Variants in SUPT3H observed in about 807,000 individuals in gnomAD.
The protein encoded by SUPT3H is transcription initiation protein SPT3 homolog.
In SUPT3H, 44 loss-of-function variants were observed where a neutral mutation model predicts 44.3. The ratio of observed to expected loss-of-function variants is 0.99; its 90% CI spans 0.78 to 1.28. The LOEUF is 1.28. Ranked by LOEUF, SUPT3H falls within the 50% of genes most tolerant of loss-of-function variation. The pLI, the probability that SUPT3H is intolerant of heterozygous loss-of-function variation, is 0.00. For synonymous variants in SUPT3H, 124 were observed against 125.6 expected, an observed-to-expected ratio of 0.99 and a Z score of 0.09; for missense variants, 380 against 387.1, an observed-to-expected ratio of 0.98 and a Z score of 0.15.
intron 9 of SUPT3H, among the ~76,000 whole-genome samples, chr6:44,950,800 T>C (rs1180512480): frequency 2.1e-5 from 3 of 141,542 alleles, no homozygotes; most frequent in Non-Finnish European, 4.5e-5. Context: ...ATTTGGATCT[T>C]TTTTTTTTTT....
At chr6:45,062,250 A>G (rs1215987601) in intron 3 of SUPT3H, among the ~76,000 whole-genome samples, 1 of 152,186 alleles carries the variant, frequency 6.6e-6, no homozygotes, top group African/African-American at 2.4e-5. Flanking sequence ...TTTACAAAGT[A>G]ACACAAATAA....
At chr6:45,296,642 G>A (rs1273507311) in intron 2 of SUPT3H, among the ~76,000 whole-genome samples, 1 of 149,460 alleles carries the variant, frequency 6.7e-6, no homozygotes, top group Non-Finnish European at 1.5e-5. Context: ...GGGAGGCTGA[G>A]GCAGGAGAAG....
chr6:45,287,998 T>C (rs1006726452), intron 2 of SUPT3H, among the ~76,000 whole-genome samples: 1 of 152,196 alleles, frequency 6.6e-6, no homozygotes, highest in African/African-American at 2.4e-5. Flanking sequence ...TATTTGCCTT[T>C]AAAGTTTCCA....
intron 10 of SUPT3H, among the ~76,000 whole-genome samples, chr6:44,848,817 C>T (rs955120852): frequency 3.3e-5 from 5 of 152,124 alleles, no homozygotes; most frequent in East Asian, 1.9e-4. Context: ...TTCTAAATTT[C>T]GTGGTTCAAT....
intron 10 of SUPT3H, among the ~76,000 whole-genome samples, chr6:44,892,233 T>C (rs1002525767): frequency 1.3e-5 from 2 of 152,098 alleles, no homozygotes; most frequent in African/African-American, 2.4e-5. Flanking sequence ...GAGATAGTTA[T>C]AGTTAAATGA....
intron 10 of SUPT3H, among the ~76,000 whole-genome samples, chr6:44,856,403 C>T (rs1440323532): frequency 1.3e-5 from 2 of 152,102 alleles, no homozygotes; most frequent in Admixed American, 6.6e-5. Context: ...TTTAGGAATA[C>T]TCAAGATCAT....
In SUPT3H at chr6:44,985,205, A is replaced by AAATG. The variant is rs1562200461; in HGVS notation, c.504+18447_504+18448insCATT. 3.5e-3 allele frequency among the ~76,000 whole-genome samples: 92 copies of AAATG among 26,408 alleles called. 2 individuals carry two copies. The highest frequency in any genetic ancestry group is 2.8e-3 in the Non-Finnish European group (39 of 14,034). 17.3% of individuals were successfully genotyped at this position (26,408 alleles called of 152,430 possible). The stretch of plus-strand genomic sequence containing the variant: ...TAAATAAATAAATAAATAAATAAAT[A>AAATG]AATAAATAAATAAAATAAAATAAAA... On this transcript the variant is annotated intron_variant, in intron 6 of 10. Coordinates refer to ENST00000371459, the MANE Select transcript of SUPT3H (RefSeq NM_003599.4).
chr6:44,837,442 T>G (rs1770125197), intron 10 of SUPT3H, among the ~76,000 whole-genome samples: 1 of 152,216 alleles, frequency 6.6e-6, no homozygotes, highest in Admixed American at 6.5e-5. Context: ...TGCTCATCAT[T>G]AGAGCAGGGG....
At chr6:44,837,230 A>T (rs1770082551) in intron 10 of SUPT3H, among the ~76,000 whole-genome samples, 1 of 152,238 alleles carries the variant, frequency 6.6e-6, no homozygotes, top group Middle Eastern at 3.2e-3. Context: ...CAGCTCTAAC[A>T]ACAGTTAATT....
intron 2 of SUPT3H, among the ~76,000 whole-genome samples, chr6:45,177,732 T>C (rs1294878665): frequency 2.0e-5 from 3 of 151,710 alleles, no homozygotes; most frequent in Non-Finnish European, 4.4e-5. Flanking sequence ...CAGCAGAAAC[T>C]CTACAAGCCA....
At chr6:45,251,932 G>GA (rs1022493821) in intron 2 of SUPT3H, among the ~76,000 whole-genome samples, 8 of 151,328 alleles carry the variant, frequency 5.3e-5, no homozygotes, top group Non-Finnish European at 8.8e-5. Context: ...AAGAAAAAAA[G>GA]AAAAAAAACA....
At chr6:45,236,537 T>A (rs1025816462) in intron 2 of SUPT3H, among the ~76,000 whole-genome samples, 1 of 152,098 alleles carries the variant, frequency 6.6e-6, no homozygotes, top group Non-Finnish European at 1.5e-5. Flanking sequence ...CCTACCCTTC[T>A]GCACCCCCTC....
At chr6:44,961,468 A>G (rs1776008970) in intron 7 of SUPT3H, among the ~76,000 whole-genome samples, 1 of 152,198 alleles carries the variant, frequency 6.6e-6, no homozygotes, top group South Asian at 2.1e-4. Flanking sequence ...GGAAATACTA[A>G]GACAATGGAA....
chr6:45,128,357 T>C (rs1366818643), intron 2 of SUPT3H, among the ~76,000 whole-genome samples: 1 of 150,530 alleles, frequency 6.6e-6, no homozygotes, highest in East Asian at 2.0e-4. Context: ...TACAAAAAAC[T>C]AGCCAGGCAT....
chr6:45,169,937 T>C (rs1253548703), intron 2 of SUPT3H, among the ~76,000 whole-genome samples: 1 of 152,164 alleles, frequency 6.6e-6, no homozygotes, highest in East Asian at 1.9e-4. Context: ...CTAAATAAAA[T>C]TATTTACTTT....
chr6:44,893,529 T>C (rs1763641926), intron 10 of SUPT3H, among the ~76,000 whole-genome samples: 1 of 152,270 alleles, frequency 6.6e-6, no homozygotes, highest in Non-Finnish European at 1.5e-5. Context: ...ATTTCATCCA[T>C]GTCCCTACAA....
At chr6:45,360,912 CCTT>C (rs1312296788) in intron 2 of SUPT3H, among the ~76,000 whole-genome samples, 1 of 152,158 alleles carries the variant, frequency 6.6e-6, no homozygotes, top group Admixed American at 6.5e-5. Flanking sequence ...ATATTTGTCT[CCTT>C]CTCTACTGCT....
intron 4 of SUPT3H, among the ~76,000 whole-genome samples, chr6:45,019,950 T>G (rs577027913): frequency 6.6e-6 from 1 of 151,942 alleles, no homozygotes; most frequent in East Asian, 1.9e-4. Flanking sequence ...TACCTACTCA[T>G]GAAAAATAAT....
chr6:44,923,855 A>G (rs1769112602), intron 10 of SUPT3H, among the ~76,000 whole-genome samples: 1 of 152,102 alleles, frequency 6.6e-6, no homozygotes, highest in African/African-American at 2.4e-5. Context: ...ACAATAAACA[A>G]TTTTATAATA....
Sources: gnomAD v4.1 joint callset for allele counts (sites outside exome capture counted in the v4.1 genomes callset) on GRCh38, gnomAD v4.1.1 for gene constraint, MANE v1.5 for transcripts, NCBI Gene and HGNC (gene_info 2026-07-23, HGNC 2026-07-21) for gene names.